The following ERICH1 variants were observed in gnomAD, a reference collection of about 807,000 sequenced individuals.
ERICH1 encodes glutamate-rich protein 1.
A neutral mutation model predicts 39.6 loss-of-function variants in ERICH1; 56 were observed. The ratio of observed to expected loss-of-function variants is 1.41; its 90% CI spans 1.14 to 1.77. ERICH1 has a LOEUF of 1.77. Ranked by LOEUF, ERICH1 falls within the 40% of genes most tolerant of loss-of-function variation. The pLI, the probability that ERICH1 is intolerant of heterozygous loss-of-function variation, is 0.00. For missense variants in ERICH1, 826 were observed against 575.4 expected (o/e 1.44, Z -4.45); for synonymous variants, 313 against 223.6 (o/e 1.40, Z -3.57).
Position 664,448 on chromosome 8 carries a change from C to G in ERICH1, c.*155G>C. ...TACCCCAATTTCTCATCTGAAGCCT[C>G]AGATGGCATCTTGCCCACCAGGAAC... On this transcript the variant is annotated 3_prime_UTR_variant, in exon 6 of 6. Transcript: ENST00000262109. 1 of 1,267,474 alleles carries G rather than the reference C, an allele frequency of 7.9e-7. No homozygotes were observed. The highest frequency in any genetic ancestry group is 9.9e-7 in the Non-Finnish European group (1 of 1,005,112). 78.5% of individuals were successfully genotyped at this position (1,267,474 alleles called of 1,614,324 possible).
chr8:683,617 C>A (rs1040531832), intron 3 of ERICH1, among the ~76,000 whole-genome samples: 1 of 152,242 alleles, frequency 6.6e-6, no homozygotes, highest in African/African-American at 2.4e-5. Flanking sequence ...TCCATGCCAG[C>A]TGCAGGACAT....
At chr8:629,532 C>T (rs1252293670) in intron 3 of ERICH1, among the ~76,000 whole-genome samples, 4 of 151,480 alleles carry the variant, frequency 2.6e-5, no homozygotes, top group African/African-American at 7.3e-5. Flanking sequence ...AGCTGACACA[C>T]ACCCTCCTGT....
At chr8:666,483 C>G (rs185171718) in intron 5 of ERICH1, 35 of 152,404 alleles carry the variant, frequency 2.3e-4, no homozygotes, top group African/African-American at 8.2e-4. Flanking sequence ...CCGCCCTCTC[C>G]GCACACACAG....
chr8:706,621 C>CA (rs1161994680), intron 2 of ERICH1, among the ~76,000 whole-genome samples: 15 of 151,828 alleles, frequency 9.9e-5, no homozygotes, highest in African/African-American at 3.6e-4. Flanking sequence ...TAAAAAAATA[C>CA]AAAAAAAATT....
intron 3 of ERICH1, among the ~76,000 whole-genome samples, chr8:628,886 C>G (rs779862110): frequency 6.6e-6 from 1 of 152,182 alleles, no homozygotes; most frequent in African/African-American, 2.4e-5. Context: ...CTCCTGCAAG[C>G]CCTTCCGCTC....
intron 1 of ERICH1, among the ~76,000 whole-genome samples, chr8:724,851 C>A (rs1388461399): frequency 2.0e-5 from 3 of 152,192 alleles, no homozygotes; most frequent in Admixed American, 2.0e-4. Context: ...GATGTGGAAC[C>A]CAGAACCCGG....
intron 3 of ERICH1, among the ~76,000 whole-genome samples, chr8:643,290 G>A (rs1799227936): frequency 6.6e-6 from 1 of 152,028 alleles, no homozygotes; most frequent in African/African-American, 2.4e-5. Context: ...CCAGGCGCAG[G>A]CTGTGCTCGC....
intron 1 of ERICH1, chr8:725,130 C>G (rs1022018836): frequency 5.7e-6 from 1 of 176,594 alleles, no homozygotes; most frequent in African/African-American, 2.4e-5. Flanking sequence ...TCCCCTCCAG[C>G]CTCCGTGCCT....
intron 3 of ERICH1, among the ~76,000 whole-genome samples, chr8:632,153 G>A (rs1563169183): frequency 6.6e-6 from 1 of 152,198 alleles, no homozygotes; most frequent in Non-Finnish European, 1.5e-5. Context: ...AAATGAATAA[G>A]GGAGGCTGTG....
chr8:674,118 ATT>A (rs1366194068), intron 3 of ERICH1, 71 bp from the exon 4 acceptor site: 84 of 1,457,192 alleles, frequency 5.8e-5, no homozygotes, highest in Non-Finnish European at 7.1e-5. Context: ...GGCTAAATAA[ATT>A]TTCCATCAGG....
At chr8:705,769 G>C (rs1257871614) in intron 2 of ERICH1, among the ~76,000 whole-genome samples, 1 of 152,200 alleles carries the variant, frequency 6.6e-6, no homozygotes, top group Non-Finnish European at 1.5e-5. Context: ...AAAGGAAAAA[G>C]TAAAACTACC....
intron 2 of ERICH1, among the ~76,000 whole-genome samples, chr8:699,920 C>G (rs1225927935): frequency 7.2e-6 from 1 of 138,948 alleles, no homozygotes; most frequent in East Asian, 2.3e-4. Flanking sequence ...GGCGCACAGG[C>G]CCGCACAGGC....
At chr8:638,618 C>T (rs1798646291) in intron 3 of ERICH1, among the ~76,000 whole-genome samples, 1 of 152,158 alleles carries the variant, frequency 6.6e-6, no homozygotes, top group Non-Finnish European at 1.5e-5. Flanking sequence ...GCGATGGAAA[C>T]TCCCTTTGCA....
intron 1 of ERICH1, among the ~76,000 whole-genome samples, chr8:720,440 T>A (rs1439440498): frequency 1.3e-5 from 2 of 152,216 alleles, no homozygotes; most frequent in Non-Finnish European, 2.9e-5. Context: ...AGGAAGAGCA[T>A]GCAACTACTT....
At position 675,115 on chromosome 8, in the gene ERICH1, CGTG is replaced by C. The variant is rs1804404658; in HGVS notation, c.305-1071_305-1069del. On this transcript the variant is annotated intron_variant, in intron 3 of 5. Transcript: ENST00000262109. The stretch of plus-strand genomic sequence containing the variant: ...CTCAACACCTCAGTGAGGACAGAGA[CGTG>C]GCGGCCCCTCGGCGAGGACAGAGAC... Among the ~76,000 whole-genome samples, 2 of 150,244 alleles carry C rather than the reference CGTG, an allele frequency of 1.3e-5. 1 individual carries two copies. The highest frequency in any genetic ancestry group is 3.0e-5 in the Non-Finnish European group (2 of 67,568).
chr8:668,785 G>A lies in ERICH1; in HGVS notation c.1071C>T (p.Ser357=). The change falls in exon 5 of 6, where the codon TCC becomes TCT. Residue 357 remains serine (S), a synonymous_variant. Coordinates refer to ENST00000262109, the MANE Select transcript of ERICH1 (RefSeq NM_207332.3). ...CGAGGGCAGCTGAAGCTGCATCTCT[G>A]GAGACACCTACATAAAGTCAGTTTT... is the stretch of plus-strand genomic sequence containing the variant. The part of the protein sequence containing the change: ...TQEMYFYDGV[S]RDAASAALAD... 6.2e-7 allele frequency: 1 copy of A among 1,603,452 alleles called. No homozygotes were observed. Among genetic ancestry groups the A allele is most frequent in the Non-Finnish European group, 8.5e-7 (1 of 1,174,956 alleles).
intron 1 of ERICH1, among the ~76,000 whole-genome samples, chr8:721,877 A>G (rs2132414143): frequency 6.6e-6 from 1 of 152,346 alleles, no homozygotes; most frequent in African/African-American, 2.4e-5. Context: ...TACGCTTATG[A>G]GCTCTAGATA....
intron 3 of ERICH1, chr8:656,606 A>C (rs1488015505): frequency 3.3e-6 from 1 of 305,948 alleles, no homozygotes; most frequent in African/African-American, 2.3e-5. Context: ...TGAGGCTGAA[A>C]TCAGCCAGGG....
At chr8:723,925 A>G (rs1424241906) in intron 1 of ERICH1, among the ~76,000 whole-genome samples, 2 of 152,258 alleles carry the variant, frequency 1.3e-5, no homozygotes, top group East Asian at 3.8e-4. Context: ...TTCACAAGAA[A>G]GAAAAGCTCA....
Sources: gnomAD v4.1 joint callset for allele counts (sites outside exome capture counted in the v4.1 genomes callset) on GRCh38, gnomAD v4.1.1 for gene constraint, MANE v1.5 for transcripts, NCBI Gene and HGNC (gene_info 2026-07-23, HGNC 2026-07-21) for gene names.